The following EPB41L5 variants were observed in gnomAD, a reference collection of about 807,000 sequenced individuals.
EPB41L5 encodes the protein band 4.1-like protein 5.
A neutral mutation model predicts 106.6 loss-of-function variants in EPB41L5; 55 were observed. The ratio of observed to expected loss-of-function variants is 0.52; its 90% CI spans 0.42 to 0.65. The LOEUF (loss-of-function observed/expected upper bound fraction) is 0.65, where lower values mean the gene tolerates loss of function less well. Ranked by LOEUF, EPB41L5 falls within the 30% of genes least tolerant of loss-of-function variation. The probability of loss-of-function intolerance (pLI) is 0.00; values close to 1 mark genes in which losing one functional copy is unlikely to be tolerated. For missense variants in EPB41L5, 871 were observed against 882.1 expected (o/e 0.99, Z 0.16); for synonymous variants, 297 against 306.7 (o/e 0.97, Z 0.33).
At chr2:120,163,282 A>G (rs1687220926) in intron 21 of EPB41L5, among the ~76,000 whole-genome samples, 1 of 144,316 alleles carries the variant, frequency 6.9e-6, no homozygotes, top group Non-Finnish European at 1.5e-5. Context: ...CAAAAAAAGA[A>G]AGAAATGTAT....
intron 2 of EPB41L5, among the ~76,000 whole-genome samples, chr2:120,041,112 CA>C (rs2105206806): frequency 6.6e-6 from 1 of 152,236 alleles, no homozygotes. Flanking sequence ...ATAGCAACAA[CA>C]TACCCCTTTT....
chr2:120,147,695 A>G (rs1270710889), intron 20 of EPB41L5, among the ~76,000 whole-genome samples: 1 of 151,356 alleles, frequency 6.6e-6, no homozygotes, highest in Non-Finnish European at 1.5e-5. Context: ...TTTTAGTACT[A>G]TTGTTATTAT....
chr2:120,158,563 A>C (rs1334511958), intron 20 of EPB41L5, among the ~76,000 whole-genome samples: 1 of 152,234 alleles, frequency 6.6e-6, no homozygotes, highest in Non-Finnish European at 1.5e-5. Context: ...AACTCTCAAT[A>C]AAAGAAGTAT....
At chr2:120,079,210 G>T (rs576234973) in intron 10 of EPB41L5, among the ~76,000 whole-genome samples, 1 of 152,122 alleles carries the variant, frequency 6.6e-6, no homozygotes, top group Non-Finnish European at 1.5e-5. Flanking sequence ...GACTGTTAGC[G>T]CAAAGACCTC....
At chr2:120,137,585 A>G (rs1414669280) in intron 18 of EPB41L5, among the ~76,000 whole-genome samples, 1 of 152,092 alleles carries the variant, frequency 6.6e-6, no homozygotes. Flanking sequence ...CTATATGCCA[A>G]TAAATTGGAA....
At chr2:120,028,683 C>T (rs1030243971) in intron 2 of EPB41L5, among the ~76,000 whole-genome samples, 1 of 151,834 alleles carries the variant, frequency 6.6e-6, no homozygotes, top group African/African-American at 2.4e-5. Flanking sequence ...GGAAAGAGTG[C>T]CTGCTTAGTA....
At chr2:120,099,929 G>C (rs76509706) in intron 14 of EPB41L5, among the ~76,000 whole-genome samples, 1 of 152,150 alleles carries the variant, frequency 6.6e-6, no homozygotes, top group Non-Finnish European at 1.5e-5. Flanking sequence ...TGCTGTCTTT[G>C]TTAGGCCATC....
At chr2:120,028,149 C>A (rs1178609183) in intron 2 of EPB41L5, among the ~76,000 whole-genome samples, 1 of 152,090 alleles carries the variant, frequency 6.6e-6, no homozygotes, top group Non-Finnish European at 1.5e-5. Flanking sequence ...CAGGCGTGAG[C>A]CACCGCGCCC....
intron 3 of EPB41L5, among the ~76,000 whole-genome samples, chr2:120,062,596 T>C (rs902570973): frequency 1.3e-5 from 2 of 152,232 alleles, no homozygotes; most frequent in African/African-American, 4.8e-5. Context: ...ACAGTATGTT[T>C]TCTTTTATCT....
At position 120,141,995 on chromosome 2, in the gene EPB41L5, G is replaced by A. The variant is rs73952049; in HGVS notation, c.1600-1008G>A. 5.1e-3 allele frequency among the ~76,000 whole-genome samples: 778 copies of A among 151,674 alleles called. 4 individuals are homozygous for A. Among genetic ancestry groups the A allele is most frequent in the African/African-American group, 0.018 (749 of 41,376 alleles). ...ATTACCCACCTCTTGAAGTATTTTG[G>A]TGGTTGGATGGACTCTTGTAACTTC... On this transcript the variant is annotated intron_variant, in intron 18 of 24. Coordinates refer to ENST00000263713, the MANE Select transcript of EPB41L5 (RefSeq NM_020909.4).
At chr2:120,057,833 A>G (rs1680762387) in intron 3 of EPB41L5, among the ~76,000 whole-genome samples, 1 of 152,122 alleles carries the variant, frequency 6.6e-6, no homozygotes, top group Non-Finnish European at 1.5e-5. Context: ...AAAAGTGACA[A>G]TTTTGGGTAG....
rs1286741170 is a variant in EPB41L5 at position 120,127,836 on chromosome 2, G to A, written c.1486G>A (p.Glu496Lys). 1 of 1,610,634 alleles carries A rather than the reference G, an allele frequency of 6.2e-7. No individual in the cohort carries two copies. Among genetic ancestry groups the A allele is most frequent in the Non-Finnish European group, 8.5e-7 (1 of 1,177,636 alleles). The stretch of plus-strand genomic sequence containing the variant: ...CAGGCTTCCGGGATTAGGGGAACCT[G>A]AAGTTGAATATGAGAGTAAGTAAAT... ...ATRLPGLGEPEVEYETLKDTS... is the reference protein window; with the variant it reads ...ATRLPGLGEPKVEYETLKDTS... Residue 496 changes from glutamate (E) to lysine (K), a missense_variant, in exon 17 of 25, where the codon GAA (glutamate) becomes AAA (lysine). Coordinates refer to ENST00000263713, the MANE Select transcript of EPB41L5 (RefSeq NM_020909.4).
At chr2:120,021,820 C>T (rs1677952023) in intron 2 of EPB41L5, among the ~76,000 whole-genome samples, 1 of 152,140 alleles carries the variant, frequency 6.6e-6, no homozygotes, top group Non-Finnish European at 1.5e-5. Flanking sequence ...TTCCCCTTTT[C>T]AGATTTATTT....
chr2:120,053,984 CA>C (rs1417754320), intron 3 of EPB41L5, among the ~76,000 whole-genome samples: 1 of 152,154 alleles, frequency 6.6e-6, no homozygotes, highest in Non-Finnish European at 1.5e-5. Context: ...TTGCTTGTGC[CA>C]AACTTTTCCA....
intron 3 of EPB41L5, among the ~76,000 whole-genome samples, chr2:120,059,329 T>C (rs1457167549): frequency 4.6e-5 from 7 of 151,982 alleles, no homozygotes; most frequent in Non-Finnish European, 1.5e-5. Context: ...AAAAATTAAC[T>C]CAAAATGGAT....
intron 19 of EPB41L5, among the ~76,000 whole-genome samples, chr2:120,144,194 C>G (rs985462042): frequency 2.6e-5 from 4 of 152,064 alleles, no homozygotes; most frequent in Admixed American, 2.0e-4. Context: ...TGGTAGAGCC[C>G]CCAAGAGTAG....
intron 2 of EPB41L5, among the ~76,000 whole-genome samples, chr2:120,027,579 C>G (rs1026562343): frequency 2.0e-5 from 3 of 151,984 alleles, no homozygotes; most frequent in East Asian, 3.9e-4. Context: ...TATGGACTTT[C>G]TTTTTTTTAG....
intron 14 of EPB41L5, among the ~76,000 whole-genome samples, chr2:120,095,393 T>G (rs751331466): frequency 1.2e-4 from 19 of 152,122 alleles, no homozygotes; most frequent in South Asian, 2.1e-4. Context: ...TCTCTAGATA[T>G]TCTTTATGCT....
At chr2:120,061,117 T>C (rs1406049115) in intron 3 of EPB41L5, among the ~76,000 whole-genome samples, 1 of 146,298 alleles carries the variant, frequency 6.8e-6, no homozygotes, top group Non-Finnish European at 1.5e-5. Flanking sequence ...CTCAGCTTAC[T>C]ACAGCCTCTG....
Sources: allele counts gnomAD v4.1 joint callset (sites outside exome capture counted in the v4.1 genomes callset), GRCh38; gene constraint gnomAD v4.1.1; transcripts MANE v1.5; gene names NCBI Gene and HGNC (gene_info 2026-07-23, HGNC 2026-07-21).